CNIH3: variants seen among roughly 807,000 people sequenced by gnomAD.
CNIH3 encodes the protein protein cornichon homolog 3.
A neutral mutation model predicts 24.1 loss-of-function variants in CNIH3; 14 were observed. The ratio of observed to expected loss-of-function variants is 0.58; its 90% CI spans 0.38 to 0.91. CNIH3 has a LOEUF of 0.91. Among genes scored for constraint, CNIH3 ranks in the 40% least tolerant of loss-of-function variants. The pLI is 0.00. For missense variants in CNIH3, 178 were observed against 196.8 expected (o/e 0.90, Z 0.57); for synonymous variants, 68 against 73.8 (o/e 0.92, Z 0.40).
At chr1:224,485,533 C>T (rs1186352374) in intron 1 of CNIH3, among the ~76,000 whole-genome samples, 1 of 152,168 alleles carries the variant, frequency 6.6e-6, no homozygotes, top group East Asian at 1.9e-4. Context: ...GATTCTGTCA[C>T]CCAGGCTGGA....
intron 1 of CNIH3, among the ~76,000 whole-genome samples, chr1:224,670,102 G>A (rs1159622936): frequency 6.6e-6 from 1 of 152,198 alleles, no homozygotes; most frequent in Non-Finnish European, 1.5e-5. Context: ...GAAGTGACAA[G>A]CTCCAGGTCA....
At chr1:224,539,578 T>C (rs1679432331), downstream of CNIH3, among the ~76,000 whole-genome samples, 3 of 152,326 alleles carry the variant, frequency 2.0e-5, no homozygotes, top group South Asian at 6.2e-4. Context: ...GCTGGGACTT[T>C]ACAACGCTCT....
intron 3 of CNIH3, among the ~76,000 whole-genome samples, chr1:224,556,499 C>T (rs1680146097): frequency 6.6e-6 from 1 of 152,154 alleles, no homozygotes; most frequent in Admixed American, 6.5e-5. Context: ...ACCCTCTAGG[C>T]CAGCAATTCC....
rs181146137 is a variant in CNIH3, at chr1:224,507,680, G to T, written n.204-8061G>T. Among the ~76,000 whole-genome samples, 467 of 152,306 alleles carry T rather than the reference G, an allele frequency of 3.1e-3. 2 individuals are homozygous for T. In the Middle Eastern group the frequency reaches 0.034, roughly 11 times the overall value. On this transcript the variant is annotated intron_variant and non_coding_transcript_variant, in intron 1 of 5. Transcript: ENST00000471578. ...TATCAAGGGTGTCTGCAAGCAAGGGGTACCTGGTGTCTTGTCCTGTAGTTG... is the reference window on the plus strand; with the variant it reads ...TATCAAGGGTGTCTGCAAGCAAGGGTTACCTGGTGTCTTGTCCTGTAGTTG...
rs149972514 is a variant in CNIH3, at chr1:224,673,761, A to G, written c.82-7197A>G. ...TTCTGTTCTTTCTCACTCCTGTCCT[A>G]GAGAACCAAAAATGGTGCCAGGTAC... On this transcript the variant is annotated intron_variant, in intron 1 of 5. Coordinates refer to ENST00000272133, the MANE Select transcript of CNIH3 (RefSeq NM_152495.2). Among the ~76,000 whole-genome samples, 178 of 152,236 alleles carry G rather than the reference A, an allele frequency of 1.2e-3. 2 individuals carry two copies. The highest frequency in any genetic ancestry group is 0.01 in the Middle Eastern group (3 of 294).
At chr1:224,553,388 C>T (rs1415018916) in intron 3 of CNIH3, among the ~76,000 whole-genome samples, 3 of 152,030 alleles carry the variant, frequency 2.0e-5, no homozygotes, top group Admixed American at 6.6e-5. Context: ...GATGCTACTT[C>T]GCTTGAAAGA....
At chr1:224,476,209 A>G (rs1676581286) in intron 1 of CNIH3, among the ~76,000 whole-genome samples, 1 of 152,228 alleles carries the variant, frequency 6.6e-6, no homozygotes, top group African/African-American at 2.4e-5. Flanking sequence ...CACTTTCACC[A>G]CTGTTATTCA....
At chr1:224,646,733 A>AGGG (rs1475709310) in intron 1 of CNIH3, among the ~76,000 whole-genome samples, 1 of 152,146 alleles carries the variant, frequency 6.6e-6, no homozygotes, top group East Asian at 1.9e-4. Flanking sequence ...TAAAGGCAAA[A>AGGG]GGGGACAAGG....
At chr1:224,736,487 A>C (rs1303591076) in intron 5 of CNIH3, among the ~76,000 whole-genome samples, 1 of 152,200 alleles carries the variant, frequency 6.6e-6, no homozygotes, top group Non-Finnish European at 1.5e-5. Flanking sequence ...GTGTGGGGTA[A>C]GGAAGGGAGG....
chr1:224,556,116 A>G (rs901569595), intron 3 of CNIH3, among the ~76,000 whole-genome samples: 1 of 151,496 alleles, frequency 6.6e-6, no homozygotes, highest in Non-Finnish European at 1.5e-5. Context: ...CAGGCATAGG[A>G]CATCCAGTTT....
intron 1 of CNIH3, among the ~76,000 whole-genome samples, chr1:224,631,487 C>T (rs1572623000): frequency 6.6e-6 from 1 of 152,264 alleles, no homozygotes; most frequent in East Asian, 1.9e-4. Flanking sequence ...TTCATTCTTT[C>T]TTTTCTCTCA....
intron 1 of CNIH3, chr1:224,454,348 G>A (rs1474454733): frequency 4.1e-6 from 4 of 974,590 alleles, no homozygotes; most frequent in Non-Finnish European, 4.9e-6. Flanking sequence ...GGCTTGGTAA[G>A]GTTAAAAATA....
At chr1:224,519,375 G>C (rs1187973178) in intron 1 of CNIH3, among the ~76,000 whole-genome samples, 1 of 152,026 alleles carries the variant, frequency 6.6e-6, no homozygotes, top group Non-Finnish European at 1.5e-5. Context: ...GGCTCCCCTG[G>C]TTCTCAGGCC....
intron 1 of CNIH3, among the ~76,000 whole-genome samples, chr1:224,668,653 G>A (rs1458188161): frequency 1.3e-5 from 2 of 152,138 alleles, no homozygotes; most frequent in African/African-American, 2.4e-5. Flanking sequence ...AAGGAGTAGA[G>A]GACACTGGAC....
chr1:224,515,101 C>A (rs893790055), upstream of CNIH3, among the ~76,000 whole-genome samples: 51 of 152,186 alleles, frequency 3.4e-4, 1 homozygote, highest in Admixed American at 3.3e-3. Context: ...GTAGGCAGTG[C>A]CCACTTTTAA....
At chr1:224,576,004 A>C (rs1681020926) in intron 4 of CNIH3, among the ~76,000 whole-genome samples, 1 of 152,220 alleles carries the variant, frequency 6.6e-6, no homozygotes, top group Admixed American at 6.5e-5. Context: ...AGAGCAGATG[A>C]ACAACTGCAT....
intron 5 of CNIH3, among the ~76,000 whole-genome samples, chr1:224,735,152 A>G (rs934272904): frequency 6.6e-6 from 1 of 151,814 alleles, no homozygotes; most frequent in African/African-American, 2.4e-5. Context: ...CAAACTCCCC[A>G]CCCCAGCCCC....
chr1:224,669,730 G>A (rs1685770397), intron 1 of CNIH3, among the ~76,000 whole-genome samples: 2 of 152,182 alleles, frequency 1.3e-5, no homozygotes, highest in African/African-American at 4.8e-5. Context: ...CCCGGTGCTT[G>A]TTGTACATTA....
chr1:224,444,168 G>A (rs885606), intron 1 of CNIH3, among the ~76,000 whole-genome samples: 43,627 of 151,486 alleles, frequency 0.29, 7,871 homozygotes, highest in African/African-American at 0.5. Flanking sequence ...CTTATACTTC[G>A]GTATATAGCT....
Sources: allele counts gnomAD v4.1 joint callset (sites outside exome capture counted in the v4.1 genomes callset), GRCh38; gene constraint gnomAD v4.1.1; transcripts MANE v1.5; gene names NCBI Gene and HGNC (gene_info 2026-07-23, HGNC 2026-07-21).